SGCZ: variants seen among roughly 807,000 people sequenced by gnomAD.
SGCZ encodes the protein sarcoglycan zeta, also known as zeta-sarcoglycan.
A neutral mutation model predicts 41.3 loss-of-function variants in SGCZ; 40 were observed. The observed-to-expected ratio is 0.97, with a 90% CI of 0.75 to 1.26. The LOEUF is 1.26. SGCZ is among the 50% of genes most tolerant of loss of function. The probability of loss-of-function intolerance (pLI) is 0.00; values close to 1 mark genes in which losing one functional copy is unlikely to be tolerated. For synonymous variants in SGCZ, 206 were observed against 137.5 expected, an observed-to-expected ratio of 1.50 and a Z score of -3.49; for missense variants, 552 against 369.8, an observed-to-expected ratio of 1.49 and a Z score of -4.04.
chr8:15,076,753 C>CTTTTT lies in SGCZ; in HGVS notation c.39+160831_39+160832insAAAAA, dbSNP rs566416257. Among the ~76,000 whole-genome samples the CTTTTT allele has an allele frequency of 3.8e-4, 55 of 143,770 alleles. 1 individual carries two copies. Among genetic ancestry groups the CTTTTT allele is most frequent in the African/African-American group, 1.3e-3 (50 of 37,148 alleles). 94.3% of individuals were successfully genotyped at this position (143,770 alleles called of 152,430 possible). A position where few individuals can be genotyped will look rare whatever the true frequency, so the allele number is the denominator to read the frequency against. Reference sequence around the variant, plus strand: ...TCAAGGAACTTAAATAAGTCTCTCTCATTTTTTTTTTTTTTTTGCTTCCCT... The same window carrying CTTTTT: ...TCAAGGAACTTAAATAAGTCTCTCTCTTTTTATTTTTTTTTTTTTTTTGCTTCCCT... On this transcript the variant is annotated intron_variant, in intron 1 of 7. Transcript: ENST00000382080.
chr8:14,534,329 G>A lies in SGCZ; in HGVS notation c.234+20403C>T, dbSNP rs1047694698. Among the ~76,000 whole-genome samples the A allele has an allele frequency of 3.5e-5, 5 of 144,168 alleles. No individual in the cohort carries two copies. The Admixed American group carries it at 3.5e-4, about 10-fold the overall frequency. 94.6% of individuals were successfully genotyped at this position (144,168 alleles called of 152,430 possible). A position where few individuals can be genotyped will look rare whatever the true frequency, so the allele number is the denominator to read the frequency against. The stretch of plus-strand genomic sequence containing the variant: ...GTGGGGAGATAAGCTGTTTTCTAGA[G>A]CTCTTTCTGTCTAAACTCTCTGAAA... On this transcript the variant is annotated intron_variant, in intron 2 of 7. Coordinates refer to ENST00000382080, the MANE Select transcript of SGCZ (RefSeq NM_139167.4).
At chr8:14,153,415 G>A (rs137950227) in intron 5 of SGCZ, among the ~76,000 whole-genome samples, 123 of 152,270 alleles carry the variant, frequency 8.1e-4, no homozygotes, top group South Asian at 3.5e-3. Flanking sequence ...GCAAGGCTTA[G>A]AGGAATCAGT....
At chr8:14,206,841 G>C (rs1437843121) in intron 4 of SGCZ, among the ~76,000 whole-genome samples, 3 of 152,022 alleles carry the variant, frequency 2.0e-5, no homozygotes, top group African/African-American at 7.2e-5. Context: ...CATTCAGTAT[G>C]CCCCTTCCCT....
chr8:14,944,987 G>A (rs1355144032), intron 1 of SGCZ, among the ~76,000 whole-genome samples: 1 of 152,052 alleles, frequency 6.6e-6, no homozygotes, highest in Non-Finnish European at 1.5e-5. Flanking sequence ...CATCATAAGT[G>A]GAAGACATAA....
At chr8:14,493,648 G>A (rs984753195) in intron 2 of SGCZ, among the ~76,000 whole-genome samples, 4 of 151,644 alleles carry the variant, frequency 2.6e-5, no homozygotes, top group Non-Finnish European at 5.9e-5. Context: ...TTAGAGGCAT[G>A]AGTCACCGTT....
intron 2 of SGCZ, among the ~76,000 whole-genome samples, chr8:14,374,353 A>C (rs1203949917): frequency 6.6e-6 from 1 of 152,196 alleles, no homozygotes. Flanking sequence ...AAAAAGAAAG[A>C]AAAAAAGATG....
At chr8:14,171,535 T>A (rs889762410) in intron 4 of SGCZ, among the ~76,000 whole-genome samples, 1 of 152,046 alleles carries the variant, frequency 6.6e-6, no homozygotes, top group African/African-American at 2.4e-5. Flanking sequence ...TTTTTCTCTA[T>A]TTTAAAAATA....
At chr8:14,562,058 C>G (rs952590991) in intron 1 of SGCZ, among the ~76,000 whole-genome samples, 1 of 152,036 alleles carries the variant, frequency 6.6e-6, no homozygotes, top group Non-Finnish European at 1.5e-5. Context: ...CTAGAGAATT[C>G]TGGTGACTTC....
intron 1 of SGCZ, among the ~76,000 whole-genome samples, chr8:14,611,523 T>C (rs190429921): frequency 6.6e-6 from 1 of 152,264 alleles, no homozygotes; most frequent in Admixed American, 6.5e-5. Context: ...ATAAATAAAA[T>C]TAACATGAAT....
At chr8:14,431,279 A>C (rs1167817217) in intron 2 of SGCZ, among the ~76,000 whole-genome samples, 1 of 152,212 alleles carries the variant, frequency 6.6e-6, no homozygotes, top group Non-Finnish European at 1.5e-5. Context: ...ACATTACCTG[A>C]TTTCAAATGA....
At chr8:14,155,296 G>C (rs1033551547) in intron 5 of SGCZ, among the ~76,000 whole-genome samples, 5 of 151,990 alleles carry the variant, frequency 3.3e-5, no homozygotes, top group Admixed American at 1.3e-4. Context: ...ATATAATATA[G>C]AAGTTTTTTT....
intron 1 of SGCZ, among the ~76,000 whole-genome samples, chr8:15,121,560 G>A (rs539745807): frequency 6.6e-6 from 1 of 152,136 alleles, no homozygotes; most frequent in Non-Finnish European, 1.5e-5. Flanking sequence ...AGACATAAGT[G>A]CATGAAAGAG....
chr8:14,985,423 G>T (rs1315875880), intron 1 of SGCZ, among the ~76,000 whole-genome samples: 1 of 152,118 alleles, frequency 6.6e-6, no homozygotes. Context: ...TAACACACAT[G>T]AAGTCACTTT....
At chr8:14,719,298 G>A (rs1809804066) in intron 1 of SGCZ, among the ~76,000 whole-genome samples, 2 of 149,738 alleles carry the variant, frequency 1.3e-5, no homozygotes, top group African/African-American at 5.0e-5. Flanking sequence ...ATTGTGAATA[G>A]TGCCACAATA....
At chr8:15,237,287 G>C (rs1802162373) in intron 1 of SGCZ, among the ~76,000 whole-genome samples, 1 of 152,102 alleles carries the variant, frequency 6.6e-6, no homozygotes, top group African/African-American at 2.4e-5. Flanking sequence ...AAGAGGCGCA[G>C]GGTCTGCACC....
intron 4 of SGCZ, among the ~76,000 whole-genome samples, chr8:14,172,137 T>C (rs1227401855): frequency 2.0e-5 from 3 of 152,130 alleles, no homozygotes; most frequent in African/African-American, 4.8e-5. Context: ...ATATAACAAA[T>C]GATGACCTAG....
At chr8:14,890,862 C>T (rs1804985589) in intron 1 of SGCZ, among the ~76,000 whole-genome samples, 6 of 152,172 alleles carry the variant, frequency 3.9e-5, no homozygotes, top group Admixed American at 3.9e-4. Context: ...TTACCATTTC[C>T]AAAATCCTCA....
chr8:14,101,611 A>G (rs1243525215), intron 7 of SGCZ, among the ~76,000 whole-genome samples: 1 of 152,238 alleles, frequency 6.6e-6, no homozygotes, highest in Non-Finnish European at 1.5e-5. Context: ...TAAAGGTAAT[A>G]TAGAAGAAAA....
At chr8:14,375,107 T>TAGAC (rs1449039264) in intron 2 of SGCZ, among the ~76,000 whole-genome samples, 23 of 145,960 alleles carry the variant, frequency 1.6e-4, no homozygotes, top group African/African-American at 5.3e-4. Context: ...ATCAGATAGA[T>TAGAC]AGATAGACAG....
Sources: allele counts gnomAD v4.1 joint callset (sites outside exome capture counted in the v4.1 genomes callset), GRCh38; gene constraint gnomAD v4.1.1; transcripts MANE v1.5; gene names NCBI Gene and HGNC (gene_info 2026-07-23, HGNC 2026-07-21).